RIGI: variants seen among roughly 807,000 people sequenced by gnomAD.
The protein encoded by RIGI is RNA sensor RIG-I, also known as antiviral innate immune response receptor RIG-I.
At chr9:32,512,084 C>T in the RIGI span, among the ~76,000 whole-genome samples, 1 of 151,950 alleles carries the variant, frequency 6.6e-6, no homozygotes, top group East Asian at 1.9e-4. Context: ...TAATGGCCTA[C>T]CAACCAAAAA....
the RIGI span, among the ~76,000 whole-genome samples, chr9:32,509,266 C>T: frequency 1.3e-5 from 2 of 152,214 alleles, no homozygotes; most frequent in Non-Finnish European, 2.9e-5. Context: ...GACAGACTGC[C>T]TCCTTAAGTG....
chr9:32,464,039 G>C, the RIGI span, among the ~76,000 whole-genome samples: 2 of 151,444 alleles, frequency 1.3e-5, no homozygotes, highest in Admixed American at 1.3e-4. Flanking sequence ...AGAGTGACCA[G>C]AGAATTCTGG....
At chr9:32,509,216 G>A in the RIGI span, among the ~76,000 whole-genome samples, 1 of 152,204 alleles carries the variant, frequency 6.6e-6, no homozygotes, top group Non-Finnish European at 1.5e-5. Context: ...TCTGAAGAGA[G>A]CAACAGATCT....
the RIGI span, chr9:32,457,009 TA>T: frequency 7.5e-6 from 6 of 802,254 alleles, no homozygotes; most frequent in South Asian, 1.1e-4. Flanking sequence ...AAGATATTTT[TA>T]AAAAATATAT....
the RIGI span, chr9:32,473,136 C>T: frequency 1.7e-6 from 2 of 1,145,654 alleles, no homozygotes; most frequent in Middle Eastern, 2.3e-4. Flanking sequence ...TATTGAAATA[C>T]ATGCAAAAAG....
the RIGI span, among the ~76,000 whole-genome samples, chr9:32,508,490 C>T: frequency 6.6e-6 from 1 of 151,824 alleles, no homozygotes; most frequent in Non-Finnish European, 1.5e-5. Context: ...CTGGGAAGCA[C>T]AAGGGGTCTG....
chr9:32,508,870 G>A, the RIGI span, among the ~76,000 whole-genome samples: 1 of 152,160 alleles, frequency 6.6e-6, no homozygotes, highest in African/African-American at 2.4e-5. Context: ...CTCGCTGCCA[G>A]CACAACAATC....
At chr9:32,509,800 G>A in the RIGI span, among the ~76,000 whole-genome samples, 1 of 151,962 alleles carries the variant, frequency 6.6e-6, no homozygotes, top group Non-Finnish European at 1.5e-5. Context: ...TGAGCTAAAG[G>A]AGCATGTTCT....
At chr9:32,500,226 A>G in the RIGI span, among the ~76,000 whole-genome samples, 54 of 152,286 alleles carry the variant, frequency 3.5e-4, no homozygotes, top group African/African-American at 1.3e-3. Flanking sequence ...ATTCTTCCAT[A>G]TACATTGTAG....
chr9:32,471,579 A>C, the RIGI span, among the ~76,000 whole-genome samples: 3 of 152,250 alleles, frequency 2.0e-5, no homozygotes, highest in African/African-American at 7.2e-5. Flanking sequence ...AAAGGATGCT[A>C]TGCGAATGTG....
the RIGI span, among the ~76,000 whole-genome samples, chr9:32,523,535 C>T: frequency 6.6e-6 from 1 of 152,142 alleles, no homozygotes; most frequent in Non-Finnish European, 1.5e-5. Flanking sequence ...GTCATTTCCA[C>T]CCTGTCCTCA....
chr9:32,457,127 T>C, the RIGI span: 5 of 1,612,222 alleles, frequency 3.1e-6, no homozygotes, highest in Non-Finnish European at 4.2e-6. Context: ...TGATATCATT[T>C]GGACATTTCT....
At chr9:32,504,507 G>A in the RIGI span, among the ~76,000 whole-genome samples, 11 of 151,652 alleles carry the variant, frequency 7.3e-5, no homozygotes, top group Non-Finnish European at 1.5e-4. Context: ...GTGAAACCCT[G>A]TCTCTACTAA....
the RIGI span, chr9:32,489,577 T>C: frequency 8.2e-6 from 4 of 487,770 alleles, no homozygotes; most frequent in Non-Finnish European, 1.4e-5. Context: ...AAGTTTAGAA[T>C]CCTTTCTCTT....
the RIGI span, chr9:32,477,010 G>C: frequency 1.2e-6 from 2 of 1,613,818 alleles, no homozygotes; most frequent in Non-Finnish European, 1.7e-6. Context: ...TTTTCACAAA[G>C]AGAATTGTTA....
At chr9:32,511,586 G>A in the RIGI span, among the ~76,000 whole-genome samples, 1 of 152,188 alleles carries the variant, frequency 6.6e-6, no homozygotes, top group East Asian at 1.9e-4. Context: ...AAAGCAGTGT[G>A]TAGATGGAAA....
the RIGI span, among the ~76,000 whole-genome samples, chr9:32,498,869 G>C: frequency 2.0e-5 from 3 of 151,216 alleles, no homozygotes; most frequent in Admixed American, 2.0e-4. Flanking sequence ...TGTAATCCCA[G>C]CTACTCAGGA....
At chr9:32,499,337 T>TTTTTTTTTTTTTA in the RIGI span, among the ~76,000 whole-genome samples, 1 of 133,340 alleles carries the variant, frequency 7.5e-6, no homozygotes, top group Non-Finnish European at 1.6e-5. Context: ...TTTTTTTTTT[T>TTTTTTTTTTTTTA]GCTTTCTTTA....
At chr9:32,511,366 C>T in the RIGI span, among the ~76,000 whole-genome samples, 4 of 151,980 alleles carry the variant, frequency 2.6e-5, no homozygotes, top group African/African-American at 7.3e-5. Context: ...TGCAAAAGAA[C>T]GGAAATCATA....
Sources: gnomAD v4.1 joint callset for allele counts (sites outside exome capture counted in the v4.1 genomes callset) on GRCh38, gnomAD v4.1.1 for gene constraint, MANE v1.5 for transcripts, NCBI Gene and HGNC (gene_info 2026-07-23, HGNC 2026-07-21) for gene names.